Variants in UBE2W observed in about 807,000 individuals in gnomAD.
The protein encoded by UBE2W is ubiquitin-conjugating enzyme E2 W.
A neutral mutation model predicts 27.2 loss-of-function variants in UBE2W; 18 were observed. The ratio of observed to expected loss-of-function variants is 0.66; its 90% CI spans 0.46 to 0.98. The LOEUF (loss-of-function observed/expected upper bound fraction) is 0.98. Ranked by LOEUF, UBE2W falls within the 50% of genes least tolerant of loss-of-function variation. UBE2W has a pLI of 0.00. For synonymous variants in UBE2W, 53 were observed against 57.2 expected, an observed-to-expected ratio of 0.93 and a Z score of 0.33; for missense variants, 90 against 180.2, an observed-to-expected ratio of 0.50 and a Z score of 2.87.
intron 1 of UBE2W, among the ~76,000 whole-genome samples, chr8:73,857,633 T>C (rs951659994): frequency 2.0e-5 from 3 of 151,892 alleles, no homozygotes; most frequent in South Asian, 2.1e-4. Flanking sequence ...CTGGCCAATA[T>C]AGTGAAATCC....
intron 4 of UBE2W, among the ~76,000 whole-genome samples, chr8:73,808,111 ACC>A (rs1808995947): frequency 1.3e-5 from 2 of 152,238 alleles, no homozygotes; most frequent in Admixed American, 6.5e-5. Context: ...AGTCCCAAAC[ACC>A]TAAAGTAAAA....
chr8:73,808,072 G>C (rs900576212), intron 4 of UBE2W, among the ~76,000 whole-genome samples: 1 of 151,984 alleles, frequency 6.6e-6, no homozygotes, highest in Non-Finnish European at 1.5e-5. Flanking sequence ...CTGTGTAAAA[G>C]GAAATTGGAA....
intron 1 of UBE2W, among the ~76,000 whole-genome samples, chr8:73,874,748 C>T (rs1341969295): frequency 6.6e-6 from 1 of 152,206 alleles, no homozygotes; most frequent in Non-Finnish European, 1.5e-5. Context: ...GGTATCACCA[C>T]AAATATAACA....
At chr8:73,856,113 A>T (rs1316142930) in intron 1 of UBE2W, among the ~76,000 whole-genome samples, 1 of 152,192 alleles carries the variant, frequency 6.6e-6, no homozygotes, top group African/African-American at 2.4e-5. Flanking sequence ...GTTCCAAAAA[A>T]ACTAAGTAAT....
At chr8:73,834,640 G>A (rs762795223) in intron 1 of UBE2W, among the ~76,000 whole-genome samples, 10 of 152,166 alleles carry the variant, frequency 6.6e-5, no homozygotes, top group Non-Finnish European at 1.3e-4. Context: ...CAGGCACAGT[G>A]GCTCAAGCCT....
Position 73,805,652 on chromosome 8 carries a change from A to G in UBE2W, c.441T>C (p.His147=), listed in dbSNP as rs752375352. Residue 147 remains histidine, a splice_region_variant and synonymous_variant, in exon 5 of 6, where the codon CAT becomes CAC. Transcript: ENST00000602593. ...TTATTACAAATTCAAACTGCTTACC[A>G]TGATACCACCATTTTGTTTTCTTTG... ...KNPKKTKWWY[H]DDTC is the part of the protein sequence containing the mutation. 7 of 1,533,762 alleles carry G rather than the reference A, an allele frequency of 4.6e-6. No homozygotes were observed. In the South Asian group the frequency reaches 9.2e-5, roughly 20 times the overall value.
chr8:73,800,499 A>G (rs914613950), intron 5 of UBE2W, among the ~76,000 whole-genome samples: 1 of 152,230 alleles, frequency 6.6e-6, no homozygotes, highest in African/African-American at 2.4e-5. Flanking sequence ...TAGAACAGTC[A>G]TAATTCAGGT....
At chr8:73,807,176 A>G (rs1808944730) in intron 4 of UBE2W, among the ~76,000 whole-genome samples, 1 of 152,258 alleles carries the variant, frequency 6.6e-6, no homozygotes, top group South Asian at 2.1e-4. Context: ...TTTCGGAATC[A>G]TTCCAATAAC....
At chr8:73,798,666 T>C (rs558043364) in intron 5 of UBE2W, among the ~76,000 whole-genome samples, 3 of 152,224 alleles carry the variant, frequency 2.0e-5, no homozygotes, top group Non-Finnish European at 4.4e-5. Flanking sequence ...TGGACTTTAG[T>C]TGGCTACTTC....
downstream of UBE2W, among the ~76,000 whole-genome samples, chr8:73,785,783 A>C (rs558338936): frequency 1.3e-5 from 2 of 150,936 alleles, no homozygotes; most frequent in African/African-American, 4.9e-5. Context: ...ACGGGGTTTC[A>C]CCATGTTGGC....
At chr8:73,847,339 G>GTA (rs1347036927) in intron 1 of UBE2W, among the ~76,000 whole-genome samples, 1 of 152,192 alleles carries the variant, frequency 6.6e-6, no homozygotes, top group Non-Finnish European at 1.5e-5. Flanking sequence ...CAACAAACTG[G>GTA]TAAGACCAGC....
At position 73,857,164 on chromosome 8, in the gene UBE2W, T is replaced by C. The variant is rs888172827; in HGVS notation, c.15+21644A>G. Among the ~76,000 whole-genome samples, 6 of 152,290 alleles carry C rather than the reference T, an allele frequency of 3.9e-5. 1 individual carries two copies. In the South Asian group the frequency reaches 8.3e-4, roughly 21 times the overall value. On this transcript the variant is annotated intron_variant, in intron 1 of 5. Transcript: ENST00000602593. The stretch of plus-strand genomic sequence containing the variant: ...TATCATGCTCAGGTATACTATACTG[T>C]GATTTTAGGGATTTTACCAATACTT...
intron 3 of UBE2W, among the ~76,000 whole-genome samples, chr8:73,823,347 T>G (rs1809702254): frequency 6.6e-6 from 1 of 152,220 alleles, no homozygotes; most frequent in Non-Finnish European, 1.5e-5. Context: ...AGAGAACACA[T>G]TTTTGACTTG....
chr8:73,781,582 C>T (rs1807844515), downstream of UBE2W, among the ~76,000 whole-genome samples: 1 of 150,044 alleles, frequency 6.7e-6, no homozygotes, highest in Middle Eastern at 3.2e-3. Context: ...TACTGACTTT[C>T]AGCATGGATT....
In UBE2W at chr8:73,786,728, A is replaced by C; in HGVS notation, c.*7374T>G. 1.0e-6 allele frequency: 1 copy of C among 985,446 alleles called. No individual in the cohort carries two copies. 61.0% of individuals were successfully genotyped at this position (985,446 alleles called of 1,614,324 possible). On this transcript the variant is annotated 3_prime_UTR_variant, in exon 6 of 6. Transcript: ENST00000602593. ...AGGGACACCAAGGCCAGGTAGTGAA[A>C]GGCCCTAATGGTAAGGAGACTGGAG...
downstream of UBE2W, among the ~76,000 whole-genome samples, chr8:73,782,044 G>A (rs1342985121): frequency 1.4e-5 from 2 of 147,450 alleles, no homozygotes; most frequent in African/African-American, 2.5e-5. Flanking sequence ...GGGTTCAAGC[G>A]ATTCTTCTGC....
intron 1 of UBE2W, among the ~76,000 whole-genome samples, chr8:73,851,951 T>C (rs57750029): frequency 0.02 from 2,659 of 133,554 alleles, 74 homozygotes; most frequent in African/African-American, 0.084. Context: ...CAGTCTCTCT[T>C]TTTTTTTTTT....
At chr8:73,831,749 G>A (rs1237699487) in intron 1 of UBE2W, 1 of 151,702 alleles carries the variant, frequency 6.6e-6, no homozygotes, top group Non-Finnish European at 1.5e-5. Context: ...GTAGAGACAG[G>A]GTCTCACTAT....
At chr8:73,814,857 T>A (rs1209940706) in intron 3 of UBE2W, among the ~76,000 whole-genome samples, 4 of 152,060 alleles carry the variant, frequency 2.6e-5, no homozygotes, top group Admixed American at 6.5e-5. Flanking sequence ...TTTCCAAACA[T>A]CTCCCGAGCA....
Sources: allele counts gnomAD v4.1 joint callset (sites outside exome capture counted in the v4.1 genomes callset), GRCh38; gene constraint gnomAD v4.1.1; transcripts MANE v1.5; gene names NCBI Gene and HGNC (gene_info 2026-07-23, HGNC 2026-07-21).